The following B3GNT4 variants were observed in gnomAD, a reference collection of about 807,000 sequenced individuals.
B3GNT4 encodes the protein UDP-GlcNAc:betaGal beta-1,3-N-acetylglucosaminyltransferase 4.
B3GNT4 carries 2 observed loss-of-function variants against 2.7 expected under a neutral mutation model. The observed-to-expected ratio is 0.73, with a 90% CI of 0.30 to 2.31. The LOEUF (loss-of-function observed/expected upper bound fraction) is 2.31, where lower values mean the gene tolerates loss of function less well. Among genes scored for constraint, B3GNT4 ranks in the 30% most tolerant of loss-of-function variants. The pLI, the probability that B3GNT4 is intolerant of heterozygous loss-of-function variation, is 0.12. For synonymous variants in B3GNT4, 280 were observed against 203.4 expected, an observed-to-expected ratio of 1.38 and a Z score of -3.20; for missense variants, 708 against 490.9, an observed-to-expected ratio of 1.44 and a Z score of -4.18.
intron 1 of B3GNT4, among the ~76,000 whole-genome samples, chr12:122,204,100 C>A (rs1339983586): frequency 1.3e-5 from 2 of 151,832 alleles, no homozygotes; most frequent in African/African-American, 2.4e-5. Context: ...TGCTGCCAAC[C>A]CCGGCCCGGG....
At position 122,203,814 on chromosome 12, in the gene B3GNT4, C is replaced by G. The variant is rs909763708; in HGVS notation, c.-98+13C>G. On this transcript the variant is annotated intron_variant, in intron 1 of 2. Transcript: ENST00000324189. ...GCGTCACGCTCAGGTAGGTTGGGGGCCGGGACGCCGCTGCTGTGAGGGAGG... is the reference window on the plus strand; with the variant it reads ...GCGTCACGCTCAGGTAGGTTGGGGGGCGGGACGCCGCTGCTGTGAGGGAGG... 1.7e-4 allele frequency: 29 copies of G among 168,006 alleles called. 1 individual carries two copies. In the East Asian group the frequency reaches 4.4e-3, roughly 25 times the overall value. 10.4% of individuals were successfully genotyped at this position (168,006 alleles called of 1,614,324 possible). A position where few individuals can be genotyped will look rare whatever the true frequency, so the allele number is the denominator to read the frequency against.
rs751798975 is a variant in B3GNT4, at chr12:122,206,332, C to T, written c.81C>T (p.Leu27=). 2.5e-6 allele frequency: 4 copies of T among 1,577,342 alleles called. No homozygotes were observed. The highest frequency in any genetic ancestry group is 2.6e-6 in the Non-Finnish European group (3 of 1,161,158). ...TCTCCTTGCAGGGACCGGCGATGCT[C>T]TGCAGGCTGTGCTGGCTGGTCTCGT... ...SGLLPKGPAM[L]CRLCWLVSYS... is the part of the protein sequence containing the mutation. The change falls in exon 3 of 3, where the codon CTC becomes CTT. Residue 27 remains leucine, a synonymous_variant. Transcript: ENST00000324189.
chr12:122,206,595 C>A lies in B3GNT4; in HGVS notation c.344C>A (p.Ser115Tyr). Residue 115 changes from serine (S) to tyrosine (Y), a missense_variant, in exon 3 of 3, where the codon TCC (serine) becomes TAC (tyrosine). Ser to Tyr is a moderately radical substitution (Grantham distance 144). Coordinates refer to ENST00000324189, the MANE Select transcript of B3GNT4 (RefSeq NM_030765.4). ...FSILLEPSGC[S>Y]KDTFLLLAIK... ...ATCTTGCTGGAGCCTTCAGGCTGTT[C>A]CAAGGATACCTTCTTGCTCCTGGCC... 1 of 1,614,164 alleles carries A rather than the reference C, an allele frequency of 6.2e-7. No homozygotes were observed.
Position 122,206,078 on chromosome 12 carries a change from G to GGAAAAACA in B3GNT4, c.67-237_67-230dup, listed in dbSNP as rs533512336. 41 of 451,482 alleles carry GGAAAAACA rather than the reference G, an allele frequency of 9.1e-5. No individual in the cohort carries two copies. In the East Asian group the frequency reaches 9.5e-4, roughly 10 times the overall value. 28.0% of individuals were successfully genotyped at this position (451,482 alleles called of 1,614,324 possible). On this transcript the variant is annotated intron_variant, in intron 2 of 2. Coordinates refer to ENST00000324189, the MANE Select transcript of B3GNT4 (RefSeq NM_030765.4). Reference sequence around the variant, plus strand: ...TGTAAAGTGGCTGCAAGTCCTTTTGGGAAAAACAGACCCAGGAGTCCTCAG... The same window carrying GGAAAAACA: ...TGTAAAGTGGCTGCAAGTCCTTTTGGGAAAAACAGAAAAACAGACCCAGGAGTCCTCAG...
In B3GNT4 at chr12:122,207,307, C is replaced by G; in HGVS notation, c.1056C>G (p.Ser352Arg). ...YRGLLLVHRL[S>R]PLEMWTMWAL... Reference sequence around the variant, plus strand: ...GGCTCCTGCTGGTTCACCGCCTCAGCCCCCTCGAGATGTGGACCATGTGGG... The same window carrying G: ...GGCTCCTGCTGGTTCACCGCCTCAGGCCCCTCGAGATGTGGACCATGTGGG... The change falls in exon 3 of 3, where the codon AGC becomes AGG. Residue 352 changes from serine to arginine, a missense_variant. Physicochemically the swap from Ser to Arg is moderately radical, Grantham distance 110. Coordinates refer to ENST00000324189, the MANE Select transcript of B3GNT4 (RefSeq NM_030765.4). 1 of 1,612,918 alleles carries G rather than the reference C, an allele frequency of 6.2e-7. No individual in the cohort carries two copies. Among genetic ancestry groups the G allele is most frequent in the East Asian group, 2.2e-5 (1 of 44,878 alleles).
rs983115611 is a variant in B3GNT4 at position 122,203,781 on chromosome 12, G to A, written c.-118G>A. ...GCTCCGCTGCACGAGCTCCACGCCCGTACCCCGGCGTCACGCTCAGGTAGG... is the reference window on the plus strand; with the variant it reads ...GCTCCGCTGCACGAGCTCCACGCCCATACCCCGGCGTCACGCTCAGGTAGG... On this transcript the variant is annotated 5_prime_UTR_variant, in exon 1 of 3. Coordinates refer to ENST00000324189, the MANE Select transcript of B3GNT4 (RefSeq NM_030765.4). 5.1e-5 allele frequency: 10 copies of A among 194,602 alleles called. No individual in the cohort carries two copies. Among genetic ancestry groups the A allele is most frequent in the East Asian group, 1.1e-4 (1 of 8,906 alleles). The allele number at this position is 194,602 out of a possible 1,614,324, so 12.1% of individuals were successfully genotyped here. A position where few individuals can be genotyped will look rare whatever the true frequency, so the allele number is the denominator to read the frequency against.
At position 122,207,384 on chromosome 12, in the gene B3GNT4, G is replaced by C. The variant is rs1441659240; in HGVS notation, c.1133G>C (p.Arg378Pro). ...LKCAAGPIPQ[R>P] ...TGTGCAGCTGGCCCCATACCCCAGC[G>C]CTGAAGGGTGGGTTGGGCAACAGCC... Residue 378 changes from arginine to proline, a missense_variant, in exon 3 of 3, where the codon CGC (arginine) becomes CCC (proline). Coordinates refer to ENST00000324189, the MANE Select transcript of B3GNT4 (RefSeq NM_030765.4). 1.9e-6 allele frequency: 3 copies of C among 1,544,226 alleles called. No individual in the cohort carries two copies. Among genetic ancestry groups the C allele is most frequent in the African/African-American group, 2.8e-5 (2 of 72,634 alleles).
At position 122,207,682 on chromosome 12, in the gene B3GNT4, A is replaced by G. The variant is rs1042895015; in HGVS notation, c.*294A>G. 6.5e-6 allele frequency: 4 copies of G among 612,752 alleles called. No individual in the cohort carries two copies. Among genetic ancestry groups the G allele is most frequent in the African/African-American group, 5.4e-5 (3 of 55,328 alleles). 38.0% of individuals were successfully genotyped at this position (612,752 alleles called of 1,614,324 possible). ...CTGCATAGGACCCCAGGAGAGACGC[A>G]TTTTCTCTTTCAGATGCAAACAAAA... On this transcript the variant is annotated 3_prime_UTR_variant, in exon 3 of 3. Coordinates refer to ENST00000324189, the MANE Select transcript of B3GNT4 (RefSeq NM_030765.4).
At position 122,207,153 on chromosome 12, in the gene B3GNT4, T is replaced by A. The variant is rs1245602952; in HGVS notation, c.902T>A (p.Phe301Tyr). The change falls in exon 3 of 3, where the codon TTC becomes TAC. Residue 301 changes from phenylalanine to tyrosine, a missense_variant. By Grantham distance (22) the Phe-to-Tyr change is conservative. Coordinates refer to ENST00000324189, the MANE Select transcript of B3GNT4 (RefSeq NM_030765.4). ...GCTATCATGGAAGATGCTGAACTCT[T>A]CCCCATTGATGATGTCTTTGTGGGT... ...LQAIMEDAEL[F>Y]PIDDVFVGMC... 1.2e-6 allele frequency: 2 copies of A among 1,613,978 alleles called. No homozygotes were observed. Among genetic ancestry groups the A allele is most frequent in the Non-Finnish European group, 1.7e-6 (2 of 1,180,020 alleles).
At position 122,206,667 on chromosome 12, in the gene B3GNT4, G is replaced by A. The variant is rs1011006255; in HGVS notation, c.416G>A (p.Ser139Asn). The A allele has an allele frequency of 1.2e-6, 2 of 1,613,394 alleles. No individual in the cohort carries two copies. Among genetic ancestry groups the A allele is most frequent in the Middle Eastern group, 1.6e-4 (1 of 6,062 alleles). The stretch of plus-strand genomic sequence containing the variant: ...GTGGAGCGACGTGCGGCTATCCGCA[G>A]CACGTGGGGCAGGGTGGGGGGATGG... ...GHVERRAAIR[S>N]TWGRVGGWAR... Residue 139 changes from serine (S) to asparagine (N), a missense_variant, in exon 3 of 3, where the codon AGC (serine) becomes AAC (asparagine). By Grantham distance (46) the Ser-to-Asn change is conservative. Transcript: ENST00000324189.
In B3GNT4 at chr12:122,208,192, A is replaced by C; in HGVS notation, c.*804A>C. The C allele has an allele frequency of 1.4e-6, 1 of 732,316 alleles. No homozygotes were observed. The highest frequency in any genetic ancestry group is 1.5e-5 in the South Asian group (1 of 67,472). 45.4% of individuals were successfully genotyped at this position (732,316 alleles called of 1,614,324 possible). On this transcript the variant is annotated 3_prime_UTR_variant, in exon 3 of 3. Transcript: ENST00000324189. ...CAGGGTGCAGTGCCCAAGGGCTAAGAACCAGGTCCAGCGCAAGCCTGAGAC... is the reference window on the plus strand; with the variant it reads ...CAGGGTGCAGTGCCCAAGGGCTAAGCACCAGGTCCAGCGCAAGCCTGAGAC...
rs752015960 is a variant in B3GNT4 at position 122,208,246 on chromosome 12, C to T, written c.*858C>T. 12 of 1,017,172 alleles carry T rather than the reference C, an allele frequency of 1.2e-5. No individual in the cohort carries two copies. Among genetic ancestry groups the T allele is most frequent in the South Asian group, 4.0e-5 (3 of 74,744 alleles). The allele number at this position is 1,017,172 out of a possible 1,614,324, so 63.0% of individuals were successfully genotyped here. ...AGGAGGCACTCACAGCTCACAAAGG[C>T]GTCTCGCCTGATTGGCCAGGGCAGG... is the stretch of plus-strand genomic sequence containing the variant. On this transcript the variant is annotated 3_prime_UTR_variant, in exon 3 of 3. Transcript: ENST00000324189.
rs1192820964 is a variant in B3GNT4, at chr12:122,207,761, C to T, written c.*373C>T. 5 of 479,896 alleles carry T rather than the reference C, an allele frequency of 1.0e-5. No individual in the cohort carries two copies. The highest frequency in any genetic ancestry group is 6.2e-5 in the South Asian group (4 of 64,702). 29.7% of individuals were successfully genotyped at this position (479,896 alleles called of 1,614,324 possible). A position where few individuals can be genotyped will look rare whatever the true frequency, so the allele number is the denominator to read the frequency against. Reference sequence around the variant, plus strand: ...AGAGAAACGGAAAGAAAGGAAGGAACAAGAGGCCTGTGTTAAGTCCTGTTG... The same window carrying T: ...AGAGAAACGGAAAGAAAGGAAGGAATAAGAGGCCTGTGTTAAGTCCTGTTG... On this transcript the variant is annotated 3_prime_UTR_variant, in exon 3 of 3. Transcript: ENST00000324189.
chr12:122,203,961 C>G (rs1031582444), intron 1 of B3GNT4, among the ~76,000 whole-genome samples, 160 bp downstream of exon 1: 3 of 151,572 alleles, frequency 2.0e-5, no homozygotes, highest in African/African-American at 7.3e-5. Context: ...CGGCGCGAGT[C>G]TGGCCTCGGC....
rs761938290 is a variant in B3GNT4 at position 122,207,075 on chromosome 12, A to G, written c.824A>G (p.Tyr275Cys). ...TACAGGGCCACCCACTACCCACCCT[A>G]TGCTGGTGGGGGAGGATATGTCATG... ...SMYRATHYPP[Y>C]AGGGGYVMSR... The change falls in exon 3 of 3, where the codon TAT becomes TGT. Residue 275 changes from tyrosine to cysteine, a missense_variant. Coordinates refer to ENST00000324189, the MANE Select transcript of B3GNT4 (RefSeq NM_030765.4). The G allele has an allele frequency of 1.2e-5, 19 of 1,613,808 alleles. No individual in the cohort carries two copies. In the African/African-American group the frequency reaches 1.9e-4, roughly 16 times the overall value.
rs1279120741 is a variant in B3GNT4, at chr12:122,207,036, T to C, written c.785T>C (p.Ile262Thr). The change falls in exon 3 of 3, where the codon ATC (isoleucine) becomes ACC (threonine). Residue 262 changes from isoleucine (I) to threonine (T), a missense_variant. Physicochemically the swap from Ile to Thr is moderately conservative, Grantham distance 89. Coordinates refer to ENST00000324189, the MANE Select transcript of B3GNT4 (RefSeq NM_030765.4). ...AGGAACACTAAGGTCAAATACTTCA[T>C]CCCACCCTCAATGTACAGGGCCACC... Reference protein sequence around the residue: ...PNRNTKVKYFIPPSMYRATHY... With the variant: ...PNRNTKVKYFTPPSMYRATHY... 1 of 1,613,826 alleles carries C rather than the reference T, an allele frequency of 6.2e-7. No homozygotes were observed.
Position 122,204,670 on chromosome 12 carries a change from G to T in B3GNT4, c.52G>T (p.Gly18Cys). The T allele has an allele frequency of 6.2e-7, 1 of 1,611,170 alleles. No homozygotes were observed. Among genetic ancestry groups the T allele is most frequent in the Non-Finnish European group, 8.5e-7 (1 of 1,177,464 alleles). The change falls in exon 2 of 3, where the codon GGC becomes TGC. Residue 18 changes from glycine to cysteine, a missense_variant. Gly to Cys is a radical substitution (Grantham distance 159, BLOSUM62 -3). Transcript: ENST00000324189. ...AAHQGRGGRS[G>C]LLPKGPAMLC... ...CCACCAGGGAAGGGGCGGTAGGAGT[G>T]GCCTTTTACCAAAGGTCAGATTCTT...
chr12:122,207,320 T>G lies in B3GNT4; in HGVS notation c.1069T>G (p.Trp357Gly), dbSNP rs146520085. Residue 357 changes from tryptophan to glycine, a missense_variant, in exon 3 of 3, where the codon TGG (tryptophan) becomes GGG (glycine). Physicochemically the swap from Trp to Gly is radical, Grantham distance 184 (BLOSUM62 -2). Transcript: ENST00000324189. ...TCACCGCCTCAGCCCCCTCGAGATGTGGACCATGTGGGCACTGGTGACAGA... is the reference window on the plus strand; with the variant it reads ...TCACCGCCTCAGCCCCCTCGAGATGGGGACCATGTGGGCACTGGTGACAGA... ...LVHRLSPLEMWTMWALVTDEG... is the reference protein window; with the variant it reads ...LVHRLSPLEMGTMWALVTDEG... 1.9e-5 allele frequency: 31 copies of G among 1,611,102 alleles called. No individual in the cohort carries two copies. The highest frequency in any genetic ancestry group is 2.5e-5 in the Non-Finnish European group (30 of 1,178,354).
Position 122,206,727 on chromosome 12 carries a change from T to C in B3GNT4, c.476T>C (p.Leu159Pro). The C allele has an allele frequency of 1.2e-6, 2 of 1,608,232 alleles. No homozygotes were observed. The highest frequency in any genetic ancestry group is 1.7e-6 in the Non-Finnish European group (2 of 1,176,722). Residue 159 changes from leucine (L) to proline (P), a missense_variant, in exon 3 of 3, where the codon CTA (leucine) becomes CCA (proline). Physicochemically the swap from Leu to Pro is moderately conservative, Grantham distance 98 (BLOSUM62 -3). Coordinates refer to ENST00000324189, the MANE Select transcript of B3GNT4 (RefSeq NM_030765.4). ...RGRQLKLVFL[L>P]GVAGSAPPAQ... ...CGGCAGCTGAAGCTGGTGTTCCTCC[T>C]AGGGGTGGCAGGATCCGCTCCCCCA...
Sources: allele counts gnomAD v4.1 joint callset (sites outside exome capture counted in the v4.1 genomes callset), GRCh38; gene constraint gnomAD v4.1.1; transcripts MANE v1.5; gene names NCBI Gene and HGNC (gene_info 2026-07-23, HGNC 2026-07-21).